EHBP1L1: variants seen among roughly 807,000 people sequenced by gnomAD.
EHBP1L1 encodes the protein EH domain-binding protein 1-like protein 1.
A neutral mutation model predicts 151.1 loss-of-function variants in EHBP1L1; 122 were observed. That is an observed-to-expected ratio of 0.81 (90% CI 0.70 to 0.94). The LOEUF (loss-of-function observed/expected upper bound fraction) is 0.94, where lower values mean the gene tolerates loss of function less well. Ranked by LOEUF, EHBP1L1 falls within the 40% of genes least tolerant of loss-of-function variation. The pLI is 0.00. For missense variants in EHBP1L1, 1,941 were observed against 1,959.8 expected, an observed-to-expected ratio of 0.99 and a Z score of 0.18; for synonymous variants, 878 against 810.1, an observed-to-expected ratio of 1.08 and a Z score of -1.42.
At position 65,581,047 on chromosome 11, in the gene EHBP1L1, A is replaced by G. The variant is rs1178959588; in HGVS notation, c.635-11A>G. ...TGACTCTGCCCTTCTCCCCTCTCCT[A>G]CCATTCCCAGATCCCTCTCGAGAGC... is the stretch of plus-strand genomic sequence containing the variant. On this transcript the variant is annotated splice_polypyrimidine_tract_variant and intron_variant, in intron 6 of 18. Coordinates refer to ENST00000309295, the MANE Select transcript of EHBP1L1 (RefSeq NM_001099409.3). 3 of 1,599,584 alleles carry G rather than the reference A, an allele frequency of 1.9e-6. No homozygotes were observed. Among genetic ancestry groups the G allele is most frequent in the Admixed American group, 3.5e-5 (2 of 57,836 alleles).
intron 12 of EHBP1L1, among the ~76,000 whole-genome samples, chr11:65,587,757 G>C (rs1858048477): frequency 6.6e-6 from 1 of 152,180 alleles, no homozygotes. Context: ...CAAGTTGGTG[G>C]CCAAGCTTGG....
chr11:65,590,410 C>T, intron 15 of EHBP1L1, 83 bp from the exon 16 acceptor site: 1 of 1,534,156 alleles, frequency 6.5e-7, no homozygotes. Context: ...CACAAGGGAG[C>T]AAACCCCCTC....
chr11:65,580,244 G>C lies in EHBP1L1; in HGVS notation c.476G>C (p.Arg159Pro). 7.4e-6 allele frequency: 12 copies of C among 1,613,480 alleles called. No individual in the cohort carries two copies. The highest frequency in any genetic ancestry group is 1.0e-5 in the Non-Finnish European group (12 of 1,179,796). Residue 159 changes from arginine (R) to proline (P), a missense_variant, in exon 5 of 19, where the codon CGG becomes CCG. Arg to Pro is a moderately radical substitution (Grantham distance 103). Transcript: ENST00000309295. The part of the protein sequence containing the change: ...LSLTLSGVLL[R>P]EGRATDDDMQ... ...CTCACTCTTTCCGGGGTGCTGCTGC[G>C]GGAGGGCCGTGCCACGTGAGTGCCT...
Position 65,582,208 on chromosome 11 carries a change from G to A in EHBP1L1, c.1536G>A (p.Arg512=), listed in dbSNP as rs1015664668. The A allele has an allele frequency of 4.6e-6, 7 of 1,536,458 alleles. No individual in the cohort carries two copies. Among genetic ancestry groups the A allele is most frequent in the African/African-American group, 2.8e-5 (2 of 72,110 alleles). Reference sequence around the variant, plus strand: ...AGGAGAGAGAGGGTGCAGAAGTGAGGGGTGGAGCACCTGGTATTGAGGGGA... The same window carrying A: ...AGGAGAGAGAGGGTGCAGAAGTGAGAGGTGGAGCACCTGGTATTGAGGGGA... ...AGQEREGAEV[R]GGAPGIEGTG... The change falls in exon 9 of 19, where the codon AGG becomes AGA. Residue 512 remains arginine (R), a synonymous_variant. Transcript: ENST00000309295.
Position 65,592,100 on chromosome 11 carries a change from G to A in EHBP1L1, c.4472+10G>A. ...ACCACAAGGAGCGGATGTGAGTGGCGCTGGGCGGCGCTGGGAGTTGGGAGG... is the reference window on the plus strand; with the variant it reads ...ACCACAAGGAGCGGATGTGAGTGGCACTGGGCGGCGCTGGGAGTTGGGAGG... On this transcript the variant is annotated intron_variant, in intron 18 of 18. Transcript: ENST00000309295. The A allele has an allele frequency of 6.2e-7, 1 of 1,612,374 alleles. No homozygotes were observed.
At chr11:65,590,646 A>G in intron 16 of EHBP1L1, 54 bp downstream of exon 16, 1 of 1,475,552 alleles carries the variant, frequency 6.8e-7, no homozygotes, top group Non-Finnish European at 9.4e-7. Context: ...TACTTTGGTT[A>G]GAGTTCTTCA....
Position 65,579,069 on chromosome 11 carries a change from C to T in EHBP1L1, c.105-9C>T. On this transcript the variant is annotated splice_polypyrimidine_tract_variant and intron_variant, in intron 1 of 18. Transcript: ENST00000309295. Reference sequence around the variant, plus strand: ...GCTCCCTTTCTCCCTCCCCTTCCCCCTCCCCCAGGCAGCCAGATAAGCTGG... The same window carrying T: ...GCTCCCTTTCTCCCTCCCCTTCCCCTTCCCCCAGGCAGCCAGATAAGCTGG... 3 of 1,578,182 alleles carry T rather than the reference C, an allele frequency of 1.9e-6. No homozygotes were observed. The highest frequency in any genetic ancestry group is 2.6e-6 in the Non-Finnish European group (3 of 1,162,000).
rs1449665964 is a variant in EHBP1L1 at position 65,583,629 on chromosome 11, A to C, written c.2957A>C (p.Lys986Thr). ...GAGGCTGGGGTCTTGGGAAATGAGA[A>C]GGGGAAAGAAGCTGAGGGAAGCCTC... ...EAEAGVLGNE[K>T]GKEAEGSLTE... The change falls in exon 9 of 19, where the codon AAG becomes ACG. Residue 986 changes from lysine to threonine, a missense_variant. Lys to Thr is a moderately conservative substitution (Grantham distance 78, BLOSUM62 -1). Coordinates refer to ENST00000309295, the MANE Select transcript of EHBP1L1 (RefSeq NM_001099409.3). 3 of 1,604,978 alleles carry C rather than the reference A, an allele frequency of 1.9e-6. No homozygotes were observed. The highest frequency in any genetic ancestry group is 2.6e-6 in the Non-Finnish European group (3 of 1,175,888).
rs1857890206 is a variant in EHBP1L1 at position 65,585,190 on chromosome 11, C to G, written c.3532C>G (p.Leu1178Val). ...SPPDDLDAGG[L>V]AQRLRGHGAE... is the part of the protein sequence containing the mutation. ...GCCCGACGACCTGGACGCCGGAGGC[C>G]TGGCGCAGCGGCTGCGCGGTCACGG... Residue 1178 changes from leucine (L) to valine (V), a missense_variant, in exon 12 of 19, where the codon CTG becomes GTG. Coordinates refer to ENST00000309295, the MANE Select transcript of EHBP1L1 (RefSeq NM_001099409.3). The surrounding 1 kb of genome is among the most constrained non-coding windows in gnomAD (Gnocchi z 4.0). 2 of 1,249,668 alleles carry G rather than the reference C, an allele frequency of 1.6e-6. No homozygotes were observed. The highest frequency in any genetic ancestry group is 2.0e-6 in the Non-Finnish European group (2 of 995,152). The allele number at this position is 1,249,668 out of a possible 1,614,324, so 77.4% of individuals were successfully genotyped here.
Position 65,591,790 on chromosome 11 carries a change from C to CCCCCAACA in EHBP1L1, c.4284-10_4284-9insCCCCAACA. ...CACCCCCCCGCCACCCACCCCCCGC[C>CCCCCAACA]ACCTTCCAGCATGGAGGAGCAGGAC... On this transcript the variant is annotated splice_polypyrimidine_tract_variant and intron_variant, in intron 16 of 18. Transcript: ENST00000309295. The CCCCCAACA allele has an allele frequency of 4.6e-6, 7 of 1,535,806 alleles. No homozygotes were observed. The highest frequency in any genetic ancestry group is 5.3e-6 in the Non-Finnish European group (6 of 1,136,506).
intron 18 of EHBP1L1, 42 bp downstream of exon 18, chr11:65,592,132 G>T: frequency 6.8e-6 from 11 of 1,610,994 alleles, no homozygotes; most frequent in South Asian, 3.3e-5. Context: ...GAGGGTCCGG[G>T]ACTTGCTCCC....
chr11:65,584,199 A>C (rs764205719), intron 9 of EHBP1L1, 42 bp from the exon 10 acceptor site: 23 of 1,586,166 alleles, frequency 1.5e-5, no homozygotes, highest in Middle Eastern at 1.8e-4. Flanking sequence ...GAGGGCATAC[A>C]TCCCATTTAT....
Position 65,582,135 on chromosome 11 carries a change from A to C in EHBP1L1, c.1463A>C (p.His488Pro). 2 of 1,590,910 alleles carry C rather than the reference A, an allele frequency of 1.3e-6. No homozygotes were observed. Among genetic ancestry groups the C allele is most frequent in the African/African-American group, 1.4e-5 (1 of 74,040 alleles). ...CTGCCCCCAGCGGAGCCTGCAGGGC[A>C]CTCTGGGCAACTTGGTGACCTCGAG... ...LSLPPAEPAG[H>P]SGQLGDLEGA... is the part of the protein sequence containing the mutation. The change falls in exon 9 of 19, where the codon CAC becomes CCC. Residue 488 changes from histidine to proline, a missense_variant. Transcript: ENST00000309295.
chr11:65,579,401 C>G lies in EHBP1L1; in HGVS notation c.223C>G (p.Pro75Ala). 1.9e-6 allele frequency: 3 copies of G among 1,572,948 alleles called. No individual in the cohort carries two copies. The highest frequency in any genetic ancestry group is 2.6e-6 in the Non-Finnish European group (3 of 1,158,672). Residue 75 changes from proline to alanine, a missense_variant, in exon 3 of 19, where the codon CCT becomes GCT. By Grantham distance (27) the Pro-to-Ala change is conservative. Coordinates refer to ENST00000309295, the MANE Select transcript of EHBP1L1 (RefSeq NM_001099409.3). ...CCGGGGCACCGTGGTGTGGATGGTA[C>G]CTGAGAATGTGGACATCTCTGTGAC... ...PYRGTVVWMV[P>A]ENVDISVTLY...
At position 65,592,264 on chromosome 11, in the gene EHBP1L1, C is replaced by T. The variant is rs1169168726; in HGVS notation, c.4534C>T (p.Arg1512Trp). 6 of 1,532,048 alleles carry T rather than the reference C, an allele frequency of 3.9e-6. No homozygotes were observed. Among genetic ancestry groups the T allele is most frequent in the Admixed American group, 3.9e-5 (2 of 50,828 alleles). The allele number at this position is 1,532,048 out of a possible 1,614,324, so 94.9% of individuals were successfully genotyped here. A position where few individuals can be genotyped will look rare whatever the true frequency, so the allele number is the denominator to read the frequency against. ...GGAACAGCGGCGCCGCAAGCTGAGCCGGCAGTTGAGCCGGCGGGAGCGCTG... is the reference window on the plus strand; with the variant it reads ...GGAACAGCGGCGCCGCAAGCTGAGCTGGCAGTTGAGCCGGCGGGAGCGCTG... ...GLEQRRRKLSRQLSRRERCVL... is the reference protein window; with the variant it reads ...GLEQRRRKLSWQLSRRERCVL... The change falls in exon 19 of 19, where the codon CGG becomes TGG. Residue 1512 changes from arginine to tryptophan, a missense_variant. Arg to Trp is a moderately radical substitution (Grantham distance 101, BLOSUM62 -3). Transcript: ENST00000309295.
In EHBP1L1 at chr11:65,583,074, T is replaced by C. The variant is rs763856317; in HGVS notation, c.2402T>C (p.Val801Ala). ...ADTTGIQVKE[V>A]GGSEVPEIAT... is the part of the protein sequence containing the mutation. Reference sequence around the variant, plus strand: ...ACAACAGGGATCCAGGTGAAAGAGGTTGGGGGTTCAGAGGTTCCAGAGATA... The same window carrying C: ...ACAACAGGGATCCAGGTGAAAGAGGCTGGGGGTTCAGAGGTTCCAGAGATA... The change falls in exon 9 of 19, where the codon GTT (valine) becomes GCT (alanine). Residue 801 changes from valine (V) to alanine (A), a missense_variant. By Grantham distance (64) the Val-to-Ala change is moderately conservative. Coordinates refer to ENST00000309295, the MANE Select transcript of EHBP1L1 (RefSeq NM_001099409.3). The C allele has an allele frequency of 5.0e-6, 8 of 1,612,450 alleles. No individual in the cohort carries two copies. Among genetic ancestry groups the C allele is most frequent in the Non-Finnish European group, 6.8e-6 (8 of 1,179,496 alleles).
rs1857901568 is a variant in EHBP1L1 at position 65,585,282 on chromosome 11, C to T, written c.3624C>T (p.Ala1208=). The T allele has an allele frequency of 1.5e-5, 16 of 1,078,446 alleles. No homozygotes were observed. Among genetic ancestry groups the T allele is most frequent in the African/African-American group, 1.7e-5 (1 of 58,510 alleles). The allele number at this position is 1,078,446 out of a possible 1,614,324, so 66.8% of individuals were successfully genotyped here. ...DRADGAAPGV[A]SRNAVAGRAS... ...CAGACGGGGCGGCCCCGGGGGTGGC[C>T]TCCAGGAACGCGGTCGCGGGCCGCG... The change falls in exon 12 of 19, where the codon GCC becomes GCT. Residue 1208 remains alanine (A), a synonymous_variant. Transcript: ENST00000309295. The surrounding 1 kb of genome is among the most constrained non-coding windows in gnomAD (Gnocchi z 4.0).
chr11:65,589,596 G>A lies in EHBP1L1; in HGVS notation c.3934-155G>A, dbSNP rs1423339430. ...TTTCTCTTGGAAGGAGGTGGGCCCGGGGGTTCTGTGCATGCAGGACTAGAG... is the reference window on the plus strand; with the variant it reads ...TTTCTCTTGGAAGGAGGTGGGCCCGAGGGTTCTGTGCATGCAGGACTAGAG... On this transcript the variant is annotated intron_variant, in intron 12 of 18. Coordinates refer to ENST00000309295, the MANE Select transcript of EHBP1L1 (RefSeq NM_001099409.3). Among the ~76,000 whole-genome samples, 3 of 152,182 alleles carry A rather than the reference G, an allele frequency of 2.0e-5. No individual in the cohort carries two copies. In the East Asian group the frequency reaches 5.8e-4, roughly 29 times the overall value.
chr11:65,580,597 G>T (rs1356238744), intron 6 of EHBP1L1, 118 bp downstream of exon 6: 3 of 1,358,992 alleles, frequency 2.2e-6, no homozygotes, highest in Non-Finnish European at 3.0e-6. Context: ...TGCCCAGGCA[G>T]TCCCAACCAA....
Sources: allele counts gnomAD v4.1 joint callset (sites outside exome capture counted in the v4.1 genomes callset), GRCh38; gene constraint gnomAD v4.1.1; non-coding constraint Gnocchi (gnomAD v3.1); transcripts MANE v1.5; gene names NCBI Gene and HGNC (gene_info 2026-07-23, HGNC 2026-07-21).